The following SIPA1L1 variants were observed in gnomAD, a reference collection of about 807,000 sequenced individuals.
SIPA1L1 encodes signal induced proliferation associated 1 like 1, also known as signal-induced proliferation-associated 1-like protein 1.
Under a neutral mutation model 162.7 loss-of-function variants are expected in SIPA1L1, and 26 were observed. The ratio of observed to expected loss-of-function variants is 0.16; its 90% CI spans 0.12 to 0.22. The LOEUF (loss-of-function observed/expected upper bound fraction) is 0.22. SIPA1L1 is among the 10% of genes least tolerant of loss of function. The pLI is 1.00. For synonymous variants in SIPA1L1, 829 were observed against 837.4 expected (o/e 0.99, Z 0.17); for missense variants, 1,874 against 2,241.0 (o/e 0.84, Z 3.31).
intron 2 of SIPA1L1, among the ~76,000 whole-genome samples, chr14:71,411,718 G>A (rs560612444): frequency 1.3e-5 from 2 of 152,304 alleles, no homozygotes; most frequent in South Asian, 4.1e-4. Context: ...CTGGTGCTTT[G>A]GGGTACGAGC....
intron 2 of SIPA1L1, among the ~76,000 whole-genome samples, chr14:71,367,332 A>C (rs1364497648): frequency 1.5e-5 from 2 of 133,728 alleles, no homozygotes; most frequent in Non-Finnish European, 3.1e-5. Context: ...CCCGATATGG[A>C]GTCTCGCTGT....
intron 13 of SIPA1L1, among the ~76,000 whole-genome samples, chr14:71,688,633 G>T (rs2081040359): frequency 6.6e-6 from 1 of 152,136 alleles, no homozygotes; most frequent in Admixed American, 6.5e-5. Context: ...CAGAAGTGAG[G>T]AGTACCGGGG....
intron 4 of SIPA1L1, among the ~76,000 whole-genome samples, chr14:71,587,267 T>C (rs79301733): frequency 1.7e-4 from 26 of 152,266 alleles, no homozygotes; most frequent in Non-Finnish European, 3.7e-4. Context: ...GTCTGTACTT[T>C]GGGTAGGAGC....
intron 2 of SIPA1L1, among the ~76,000 whole-genome samples, chr14:71,501,694 T>A (rs1425326543): frequency 6.6e-6 from 1 of 152,132 alleles, no homozygotes; most frequent in African/African-American, 2.4e-5. Context: ...ATGTAGAATT[T>A]GTACGTTTCA....
intron 12 of SIPA1L1, among the ~76,000 whole-genome samples, chr14:71,675,541 G>GTTAT (rs2045061804): frequency 1.3e-5 from 2 of 152,252 alleles, no homozygotes; most frequent in African/African-American, 4.8e-5. Flanking sequence ...AAAGGGAACA[G>GTTAT]CTGAAGCATT....
chr14:71,570,870 T>G (rs1211450465), intron 4 of SIPA1L1, among the ~76,000 whole-genome samples: 3 of 152,172 alleles, frequency 2.0e-5, no homozygotes, highest in Non-Finnish European at 4.4e-5. Context: ...CACTGTAACC[T>G]CTGCCTCCTG....
At chr14:71,664,337 T>C (rs2043807450) in intron 10 of SIPA1L1, among the ~76,000 whole-genome samples, 1 of 152,220 alleles carries the variant, frequency 6.6e-6, no homozygotes, top group Non-Finnish European at 1.5e-5. Context: ...TATACTCATT[T>C]TATTTAAATC....
At chr14:71,416,760 C>T (rs1261695170) in intron 2 of SIPA1L1, among the ~76,000 whole-genome samples, 4 of 150,046 alleles carry the variant, frequency 2.7e-5, no homozygotes, top group African/African-American at 9.8e-5. Flanking sequence ...CACGCATGCA[C>T]ACACACACAA....
At chr14:71,348,075 A>G (rs2036339699) in intron 2 of SIPA1L1, among the ~76,000 whole-genome samples, 1 of 152,214 alleles carries the variant, frequency 6.6e-6, no homozygotes, top group Non-Finnish European at 1.5e-5. Context: ...CTTGCAGGAA[A>G]AAAATTTGAA....
At chr14:71,536,727 C>T (rs2053938641) in intron 4 of SIPA1L1, among the ~76,000 whole-genome samples, 1 of 152,178 alleles carries the variant, frequency 6.6e-6, no homozygotes, top group African/African-American at 2.4e-5. Flanking sequence ...CAGTCCCTTC[C>T]ATTGAGAGAC....
rs773373946 is a variant in SIPA1L1, at chr14:71,709,710, C to T, written c.4208+46C>T. On this transcript the variant is annotated intron_variant, in intron 17 of 23. Coordinates refer to ENST00000381232, the MANE Select transcript of SIPA1L1 (RefSeq NM_001386936.1). ...TCTGATTCCCAGCCCAGACCTAAGC[C>T]CAGTTCCCTGGCCTCAGCCCACTTT... The T allele has an allele frequency of 1.2e-5, 18 of 1,537,008 alleles. No individual in the cohort carries two copies. The East Asian group carries it at 3.4e-4, about 29-fold the overall frequency.
intron 2 of SIPA1L1, among the ~76,000 whole-genome samples, chr14:71,370,654 T>C (rs1271683113): frequency 2.0e-5 from 3 of 152,194 alleles, no homozygotes; most frequent in Non-Finnish European, 2.9e-5. Context: ...ATCTCATTTC[T>C]TCATGTGGGT....
chr14:71,468,497 G>A (rs1041834889), intron 2 of SIPA1L1, among the ~76,000 whole-genome samples: 2 of 151,998 alleles, frequency 1.3e-5, no homozygotes, highest in African/African-American at 2.4e-5. Context: ...GGCAGGGGTG[G>A]GTGCCACACA....
chr14:71,725,474 G>A (rs939447922), intron 19 of SIPA1L1, among the ~76,000 whole-genome samples: 2 of 152,178 alleles, frequency 1.3e-5, no homozygotes, highest in East Asian at 3.8e-4. Flanking sequence ...ATTCCAGACT[G>A]TAAATGTCTT....
intron 2 of SIPA1L1, among the ~76,000 whole-genome samples, chr14:71,496,725 C>CTTCTT (rs140845066): frequency 6.6e-6 from 1 of 151,978 alleles, no homozygotes; most frequent in African/African-American, 2.4e-5. Context: ...AATTGTCTCT[C>CTTCTT]TCAGTTCTGT....
intron 13 of SIPA1L1, among the ~76,000 whole-genome samples, chr14:71,688,107 C>T (rs1323818519): frequency 6.6e-6 from 1 of 152,084 alleles, no homozygotes; most frequent in South Asian, 2.1e-4. Context: ...CAGTTTCTTA[C>T]CCCATCATTC....
At chr14:71,673,094 C>T (rs1030909628) in intron 12 of SIPA1L1, among the ~76,000 whole-genome samples, 1 of 152,182 alleles carries the variant, frequency 6.6e-6, no homozygotes, top group Non-Finnish European at 1.5e-5. Context: ...AGCTGCTTTC[C>T]TAACTGTATC....
chr14:71,593,521 A>G (rs2035664747), intron 5 of SIPA1L1, among the ~76,000 whole-genome samples: 1 of 152,072 alleles, frequency 6.6e-6, no homozygotes, highest in Admixed American at 6.6e-5. Context: ...TTTTGTTTTC[A>G]TTTAGATAGT....
chr14:71,545,526 G>A (rs1043865212), intron 4 of SIPA1L1, among the ~76,000 whole-genome samples: 1 of 152,076 alleles, frequency 6.6e-6, no homozygotes, highest in Non-Finnish European at 1.5e-5. Context: ...TGCTGTTTGT[G>A]TATTGACCTG....
Sources: allele counts gnomAD v4.1 joint callset (sites outside exome capture counted in the v4.1 genomes callset), GRCh38; gene constraint gnomAD v4.1.1; transcripts MANE v1.5; gene names NCBI Gene and HGNC (gene_info 2026-07-23, HGNC 2026-07-21).